Variants in TEAD4 observed in about 807,000 individuals in gnomAD.
TEAD4 encodes TEA domain transcription factor 4.
TEAD4 carries 36 observed loss-of-function variants against 52.4 expected under a neutral mutation model. The ratio of observed to expected loss-of-function variants is 0.69; its 90% CI spans 0.53 to 0.91. The LOEUF is 0.91. Ranked by LOEUF, TEAD4 falls within the 40% of genes least tolerant of loss-of-function variation. The pLI is 0.00. For synonymous variants in TEAD4, 220 were observed against 231.0 expected (o/e 0.95, Z 0.43); for missense variants, 508 against 583.9 (o/e 0.87, Z 1.34).
At position 2,996,652 on chromosome 12, in the gene TEAD4, C is replaced by G. The variant is rs545844595; in HGVS notation, c.226+1660C>G. On this transcript the variant is annotated intron_variant, in intron 3 of 12. Transcript: ENST00000359864. ...CTTGAACTCCAGACCTCAGGTGATC[C>G]GCCCACCTTGGCCTCCCAAAGTGAT... 2.4e-4 allele frequency among the ~76,000 whole-genome samples: 36 copies of G among 152,268 alleles called. 1 individual carries two copies. In the South Asian group the frequency reaches 6.6e-3, roughly 28 times the overall value.
intron 2 of TEAD4, among the ~76,000 whole-genome samples, chr12:2,971,016 C>T (rs769002043): frequency 3.9e-5 from 6 of 152,356 alleles, no homozygotes; most frequent in Non-Finnish European, 8.8e-5. Context: ...CTCTTGGCAT[C>T]AGCTCCCTCC....
intron 3 of TEAD4, among the ~76,000 whole-genome samples, chr12:3,002,603 G>T (rs1352231416): frequency 6.6e-6 from 1 of 152,228 alleles, no homozygotes; most frequent in African/African-American, 2.4e-5. Context: ...GATGATTAGT[G>T]TTGTGGAGCA....
At chr12:3,024,775 T>A (rs2098271021) in intron 10 of TEAD4, among the ~76,000 whole-genome samples, 2 of 152,240 alleles carry the variant, frequency 1.3e-5, no homozygotes, top group African/African-American at 4.8e-5. Flanking sequence ...GCATATTTTT[T>A]AATAAGCCTA....
intron 3 of TEAD4, among the ~76,000 whole-genome samples, chr12:3,002,373 T>C (rs979721641): frequency 1.3e-5 from 2 of 152,224 alleles, no homozygotes; most frequent in African/African-American, 2.4e-5. Context: ...TCTTGTGGGA[T>C]TGGAATTGCT....
chr12:2,978,379 T>C (rs1423371986), intron 2 of TEAD4, among the ~76,000 whole-genome samples: 1 of 6,666 alleles, frequency 1.5e-4, no homozygotes, highest in Non-Finnish European at 1.0e-3. Context: ...AGTGCCTGTT[T>C]TTTTTTTTTG....
intron 2 of TEAD4, among the ~76,000 whole-genome samples, chr12:2,982,976 G>C (rs1453995153): frequency 6.6e-6 from 1 of 152,170 alleles, no homozygotes; most frequent in Non-Finnish European, 1.5e-5. Context: ...TTCTGAGGAG[G>C]AGCAGGGCCC....
intron 3 of TEAD4, among the ~76,000 whole-genome samples, chr12:3,002,000 G>T (rs993139059): frequency 6.6e-6 from 1 of 152,004 alleles, no homozygotes. Flanking sequence ...GCTGAGCCAC[G>T]AGAATTGCTT....
chr12:3,021,307 C>CT (rs371527718), intron 9 of TEAD4, among the ~76,000 whole-genome samples: 97,990 of 133,062 alleles, frequency 0.74, 37,837 homozygotes, highest in East Asian at 0.96. Flanking sequence ...CTTCAAACTT[C>CT]TTTTTTTTTT....
At chr12:2,992,673 G>A (rs566233049) in intron 2 of TEAD4, among the ~76,000 whole-genome samples, 1 of 152,238 alleles carries the variant, frequency 6.6e-6, no homozygotes, top group Admixed American at 6.5e-5. Flanking sequence ...CAAGGCTAGT[G>A]GGGGAGAAGG....
At chr12:3,036,362 ACAAT>A (rs1488002474) in intron 10 of TEAD4, among the ~76,000 whole-genome samples, 1 of 152,082 alleles carries the variant, frequency 6.6e-6, no homozygotes, top group Non-Finnish European at 1.5e-5. Context: ...TGTGCTATAG[ACAAT>A]CAACACCCAC....
chr12:3,003,197 T>C (rs890127612), intron 3 of TEAD4, among the ~76,000 whole-genome samples: 4 of 151,918 alleles, frequency 2.6e-5, no homozygotes, highest in Admixed American at 2.6e-4. Flanking sequence ...CACGCACACT[T>C]CCACCCACTC....
chr12:2,992,963 G>C (rs927309780), intron 2 of TEAD4, among the ~76,000 whole-genome samples: 1 of 152,222 alleles, frequency 6.6e-6, no homozygotes, highest in African/African-American at 2.4e-5. Context: ...TGAGCCTCCA[G>C]AGGCACCAGA....
At chr12:2,973,984 G>C (rs937206964) in intron 2 of TEAD4, among the ~76,000 whole-genome samples, 1 of 152,154 alleles carries the variant, frequency 6.6e-6, no homozygotes, top group Non-Finnish European at 1.5e-5. Flanking sequence ...TAGGGTCTGA[G>C]TGAAGGCTTC....
chr12:2,968,083 C>CTTTTTTT lies in TEAD4; in HGVS notation c.-30+8057_-30+8063dup, dbSNP rs34430154. ...GTGATCTGATCTCAAACATGTGGGT[C>CTTTTTTT]TTTTTTTTTTTTTTTTTTTTGAGAC... On this transcript the variant is annotated intron_variant, in intron 2 of 12. Transcript: ENST00000359864. Among the ~76,000 whole-genome samples, 8 of 112,014 alleles carry CTTTTTTT rather than the reference C, an allele frequency of 7.1e-5. 1 individual carries two copies. Among genetic ancestry groups the CTTTTTTT allele is most frequent in the Non-Finnish European group, 1.2e-4 (7 of 56,630 alleles). 73.5% of individuals were successfully genotyped at this position (112,014 alleles called of 152,430 possible).
At chr12:2,964,201 G>C (rs952156862) in intron 2 of TEAD4, among the ~76,000 whole-genome samples, 5 of 152,194 alleles carry the variant, frequency 3.3e-5, no homozygotes, top group African/African-American at 9.7e-5. Context: ...CAGGGCTCGT[G>C]TTTGCCAGCC....
intron 4 of TEAD4, among the ~76,000 whole-genome samples, chr12:3,011,637 G>A (rs1209707325): frequency 6.6e-6 from 1 of 152,074 alleles, no homozygotes; most frequent in Non-Finnish European, 1.5e-5. Flanking sequence ...CAGGACACTA[G>A]GACAGACAGT....
chr12:2,988,025 G>A (rs1005732743), intron 2 of TEAD4, among the ~76,000 whole-genome samples: 4 of 151,454 alleles, frequency 2.6e-5, no homozygotes, highest in African/African-American at 7.3e-5. Context: ...CTGAGATCAC[G>A]CCACTGCACT....
At chr12:2,989,236 C>T (rs2098241151) in intron 2 of TEAD4, among the ~76,000 whole-genome samples, 1 of 152,042 alleles carries the variant, frequency 6.6e-6, no homozygotes, top group African/African-American at 2.4e-5. Flanking sequence ...GCCACCATGC[C>T]CAGCCCTGAT....
At chr12:3,031,290 G>A (rs1406335592) in intron 10 of TEAD4, among the ~76,000 whole-genome samples, 2 of 152,208 alleles carry the variant, frequency 1.3e-5, no homozygotes, top group African/African-American at 4.8e-5. Context: ...GAGCTTAGGC[G>A]AGCTGATCTG....
Sources: gnomAD v4.1 joint callset for allele counts (sites outside exome capture counted in the v4.1 genomes callset) on GRCh38, gnomAD v4.1.1 for gene constraint, MANE v1.5 for transcripts, NCBI Gene and HGNC (gene_info 2026-07-23, HGNC 2026-07-21) for gene names.